Variants in GBP2 observed in about 807,000 individuals in gnomAD.
GBP2 encodes guanylate binding protein 2, also known as guanylate-binding protein 2.
Under a neutral mutation model 60.8 loss-of-function variants are expected in GBP2, and 54 were observed. The observed-to-expected ratio is 0.89, with a 90% confidence interval of 0.71 to 1.11. GBP2 has a LOEUF of 1.11. GBP2 is among the 50% of genes most tolerant of loss of function. GBP2 has a pLI of 0.00. For missense variants in GBP2, 665 were observed against 703.3 expected (o/e 0.95, Z 0.62); for synonymous variants, 243 against 256.5 (o/e 0.95, Z 0.50).
Position 89,121,380 on chromosome 1 carries a change from T to C in GBP2, c.191-110A>G. The C allele has an allele frequency of 5.2e-6, 5 of 955,698 alleles. No individual in the cohort carries two copies. In the South Asian group the frequency reaches 1.1e-4, roughly 21 times the overall value. 59.2% of individuals were successfully genotyped at this position (955,698 alleles called of 1,614,324 possible). A position where few individuals can be genotyped will look rare whatever the true frequency, so the allele number is the denominator to read the frequency against. On this transcript the variant is annotated intron_variant, in intron 2 of 10. Coordinates refer to ENST00000370466, the MANE Select transcript of GBP2 (RefSeq NM_004120.5). The stretch of plus-strand genomic sequence containing the variant: ...TAAAAGAGATAAAAGAAAATACAAC[T>C]GGCATAAATCTTAATTACAATCCTG...
rs1452801927 is a variant in GBP2 at position 89,106,468 on chromosome 1, A to G, written c.*1707T>C. The G allele has an allele frequency of 6.6e-6, 1 of 152,234 alleles. No individual in the cohort carries two copies. Among genetic ancestry groups the G allele is most frequent in the East Asian group, 1.9e-4 (1 of 5,200 alleles). The allele number at this position is 152,234 out of a possible 1,614,324, so 9.4% of individuals were successfully genotyped here. On this transcript the variant is annotated 3_prime_UTR_variant, in exon 11 of 11. Coordinates refer to ENST00000370466, the MANE Select transcript of GBP2 (RefSeq NM_004120.5). ...CATTGTTAAAAACTAAGAATAACTT[A>G]AAGAATATTAACAAAGTGCATGACA...
chr1:89,112,907 T>G lies in GBP2; in HGVS notation c.1150-223A>C. On this transcript the variant is annotated intron_variant, in intron 7 of 10. Coordinates refer to ENST00000370466, the MANE Select transcript of GBP2 (RefSeq NM_004120.5). The stretch of plus-strand genomic sequence containing the variant: ...TTCCTAAAGCTCCTTTCTCCCAGTT[T>G]TCCTGTTTCAGAGAATGATTCTCAA... 7.1e-6 allele frequency: 4 copies of G among 565,370 alleles called. No homozygotes were observed. In the South Asian group the frequency reaches 8.5e-5, roughly 12 times the overall value. 35.0% of individuals were successfully genotyped at this position (565,370 alleles called of 1,614,324 possible). A position where few individuals can be genotyped will look rare whatever the true frequency, so the allele number is the denominator to read the frequency against.
intron 6 of GBP2, 94 bp from the exon 7 acceptor site, chr1:89,114,390 T>C (rs1681226890): frequency 1.4e-6 from 2 of 1,390,438 alleles, no homozygotes; most frequent in African/African-American, 2.9e-5. Context: ...ATAATACTTT[T>C]AAATAAGTTT....
intron 3 of GBP2, 28 bp downstream of exon 3, chr1:89,121,115 A>C: frequency 1.9e-6 from 3 of 1,596,818 alleles, no homozygotes; most frequent in Non-Finnish European, 1.7e-6. Flanking sequence ...TACCTAAGTG[A>C]AATTTTTAAA....
At chr1:89,124,501 T>G (rs74971536) in intron 1 of GBP2, among the ~76,000 whole-genome samples, 2 of 152,250 alleles carry the variant, frequency 1.3e-5, no homozygotes, top group Non-Finnish European at 2.9e-5. Flanking sequence ...ACTAAGCTCA[T>G]GTACACAGTA....
intron 3 of GBP2, among the ~76,000 whole-genome samples, chr1:89,120,895 A>G (rs1681382247): frequency 6.6e-6 from 1 of 152,190 alleles, no homozygotes; most frequent in South Asian, 2.1e-4. Context: ...TATAATATGA[A>G]AGAGAAATAA....
intron 6 of GBP2, among the ~76,000 whole-genome samples, chr1:89,115,228 C>A (rs183458524): frequency 6.6e-6 from 1 of 152,266 alleles, no homozygotes; most frequent in Non-Finnish European, 1.5e-5. Flanking sequence ...TATCAACAGG[C>A]CTTTTAGATT....
At chr1:89,118,444 T>C (rs1334302466) in intron 4 of GBP2, 2 of 151,912 alleles carry the variant, frequency 1.3e-5, no homozygotes, top group African/African-American at 2.4e-5. Context: ...TAAATAGAGG[T>C]TGGGATATGC....
In GBP2 at chr1:89,109,855, G is replaced by A. The variant is rs769191090; in HGVS notation, c.1481C>T (p.Ala494Val). 5.6e-6 allele frequency: 9 copies of A among 1,612,844 alleles called. No homozygotes were observed. In the East Asian group the frequency reaches 1.8e-4, roughly 32 times the overall value. Residue 494 changes from alanine to valine, a missense_variant, in exon 10 of 11, where the codon GCT (alanine) becomes GTT (valine). Transcript: ENST00000370466. ...EKAIEVERIK[A>V]ESAEAAKKML... ...TTTCTTTGCAGCTTCTGCAGATTCA[G>A]CCTTTATACGTTCCACTGTGGAAGA...
chr1:89,118,082 C>T (rs1302633043), intron 4 of GBP2: 1 of 193,878 alleles, frequency 5.2e-6, no homozygotes, highest in African/African-American at 2.3e-5. Context: ...TAACAATTGT[C>T]TTGAAGGAAA....
At chr1:89,112,742 T>C (rs1557438871) in intron 7 of GBP2, 58 bp from the exon 8 acceptor site, 3 of 1,381,766 alleles carry the variant, frequency 2.2e-6, no homozygotes, top group African/African-American at 2.8e-5. Context: ...GGATGTTAAC[T>C]ATGTGGAGAC....
chr1:89,107,548 C>G lies in GBP2; in HGVS notation c.*627G>C, dbSNP rs1299823064. On this transcript the variant is annotated 3_prime_UTR_variant, in exon 11 of 11. Transcript: ENST00000370466. Reference sequence around the variant, plus strand: ...TTCTGCACAGAGGCAACCACTTTCTCTGCTAGTGCCCACAGATCATGCAGC... The same window carrying G: ...TTCTGCACAGAGGCAACCACTTTCTGTGCTAGTGCCCACAGATCATGCAGC... Among the ~76,000 whole-genome samples the G allele has an allele frequency of 2.0e-5, 3 of 152,198 alleles. No homozygotes were observed. Among genetic ancestry groups the G allele is most frequent in the Non-Finnish European group, 4.4e-5 (3 of 68,044 alleles).
At chr1:89,108,679 A>G (rs115908506) in intron 10 of GBP2, among the ~76,000 whole-genome samples, 1 of 152,302 alleles carries the variant, frequency 6.6e-6, no homozygotes, top group African/African-American at 2.4e-5. Flanking sequence ...AGGTTACTAT[A>G]TAACTCAAGA....
chr1:89,117,717 G>A lies in GBP2; in HGVS notation c.485C>T (p.Ser162Phe), dbSNP rs1391203343. The change falls in exon 5 of 11, where the codon TCT becomes TTT. Residue 162 changes from serine (S) to phenylalanine (F), a missense_variant. Physicochemically the swap from Ser to Phe is radical, Grantham distance 155 (BLOSUM62 -2). Coordinates refer to ENST00000370466, the MANE Select transcript of GBP2 (RefSeq NM_004120.5). The stretch of plus-strand genomic sequence containing the variant: ...CACAAAGTCAGCTGAGTCGTCTACA[G>A]AATTGTTACCAGGTGAGGAGTTTGC... ...IKANSSPGNN[S>F]VDDSADFVSF... 9.9e-6 allele frequency: 16 copies of A among 1,614,074 alleles called. No individual in the cohort carries two copies. Among genetic ancestry groups the A allele is most frequent in the Non-Finnish European group, 1.4e-5 (16 of 1,179,970 alleles).
chr1:89,117,379 A>C lies in GBP2; in HGVS notation c.626-145T>G, dbSNP rs1468001825. On this transcript the variant is annotated intron_variant, in intron 5 of 10. Transcript: ENST00000370466. ...AAAAAATTAAAGGGGTAGAGAAAGG[A>C]AAGTCTCCAAGAAGAGGTAGGTAAT... is the stretch of plus-strand genomic sequence containing the variant. 4 of 911,770 alleles carry C rather than the reference A, an allele frequency of 4.4e-6. No individual in the cohort carries two copies. In the East Asian group the frequency reaches 1.1e-4, roughly 24 times the overall value. The allele number at this position is 911,770 out of a possible 1,614,324, so 56.5% of individuals were successfully genotyped here.
intron 2 of GBP2, 29 bp downstream of exon 2, chr1:89,121,748 G>A (rs765173813): frequency 6.2e-7 from 1 of 1,606,588 alleles, no homozygotes; most frequent in East Asian, 2.2e-5. Context: ...CGGACAGAAG[G>A]GGCTTAGAGC....
chr1:89,124,050 C>T (rs1165057812), intron 1 of GBP2, among the ~76,000 whole-genome samples: 3 of 152,148 alleles, frequency 2.0e-5, no homozygotes, highest in African/African-American at 4.8e-5. Flanking sequence ...CCTATCAGTT[C>T]GTAGGAAGAT....
chr1:89,112,414 G>A (rs12068052), intron 8 of GBP2, 58 bp downstream of exon 8: 1 of 1,434,282 alleles, frequency 7.0e-7, no homozygotes, highest in Non-Finnish European at 9.8e-7. Context: ...CTTCCCAGTG[G>A]GCTTTAAAAG....
intron 2 of GBP2, 151 bp from the exon 3 acceptor site, chr1:89,121,421 G>T (rs1172288366): frequency 2.9e-6 from 2 of 678,110 alleles, no homozygotes; most frequent in Non-Finnish European, 4.6e-6. Context: ...AGGAAAATTA[G>T]ATATTTAATA....
Sources: allele counts gnomAD v4.1 joint callset (sites outside exome capture counted in the v4.1 genomes callset), GRCh38; gene constraint gnomAD v4.1.1; transcripts MANE v1.5; gene names NCBI Gene and HGNC (gene_info 2026-07-23, HGNC 2026-07-21).